The following CDH1 variants were observed in gnomAD, a reference collection of about 807,000 sequenced individuals.
CDH1 encodes cadherin 1, also known as cadherin-1.
A neutral mutation model predicts 84.5 loss-of-function variants in CDH1; 35 were observed. The ratio of observed to expected loss-of-function variants is 0.41; its 90% CI spans 0.32 to 0.55. The LOEUF is 0.55. Among genes scored for constraint, CDH1 ranks in the 20% least tolerant of loss-of-function variants. The pLI is 0.19. For missense variants in CDH1, 994 were observed against 1,126.6 expected, an observed-to-expected ratio of 0.88 and a Z score of 1.68; for synonymous variants, 417 against 439.0, an observed-to-expected ratio of 0.95 and a Z score of 0.63.
intron 2 of CDH1, among the ~76,000 whole-genome samples, chr16:68,794,195 G>GT (rs1960291951): frequency 1.3e-5 from 2 of 151,538 alleles, no homozygotes; most frequent in Non-Finnish European, 2.9e-5. Context: ...ACTGCTCCCA[G>GT]CTAATTTTTG....
intron 6 of CDH1, among the ~76,000 whole-genome samples, chr16:68,811,346 G>A (rs1159438709): frequency 7.5e-6 from 1 of 133,044 alleles, no homozygotes; most frequent in African/African-American, 2.9e-5. Flanking sequence ...GTGGTGAGCC[G>A]AATCACGCCA....
At chr16:68,828,833 C>T (rs1353308321) in intron 14 of CDH1, among the ~76,000 whole-genome samples, 1 of 152,112 alleles carries the variant, frequency 6.6e-6, no homozygotes, top group African/African-American at 2.4e-5. Context: ...GGAGAGCCTA[C>T]TTATTATAGA....
chr16:68,804,144 C>G (rs4783687), intron 3 of CDH1, among the ~76,000 whole-genome samples: 4 of 123,166 alleles, frequency 3.2e-5, no homozygotes, highest in Admixed American at 1.9e-4. Flanking sequence ...GATGGAGTCT[C>G]GCTCTGTCAC....
At chr16:68,791,186 C>A (rs1960199025) in intron 2 of CDH1, among the ~76,000 whole-genome samples, 1 of 152,126 alleles carries the variant, frequency 6.6e-6, no homozygotes, top group East Asian at 1.9e-4. Context: ...AGTAGGTGTG[C>A]AGGCTTTGAG....
intron 2 of CDH1, among the ~76,000 whole-genome samples, chr16:68,745,609 GTA>G (rs111616614): frequency 0.013 from 1,611 of 122,200 alleles, 49 homozygotes; most frequent in African/African-American, 0.048. Flanking sequence ...ATATGTATGT[GTA>G]TATATATATA....
Position 68,834,341 on chromosome 16 carries a change from T to C in CDH1, c.*842T>C. The C allele has an allele frequency of 2.0e-6, 1 of 491,940 alleles. No homozygotes were observed. The highest frequency in any genetic ancestry group is 4.0e-6 in the Non-Finnish European group (1 of 250,484). 30.5% of individuals were successfully genotyped at this position (491,940 alleles called of 1,614,324 possible). A position where few individuals can be genotyped will look rare whatever the true frequency, so the allele number is the denominator to read the frequency against. ...GCAGTGATGTGATCATAGCTCACTG[T>C]AACCTCAAACTCTGGGGCTCAAGCA... On this transcript the variant is annotated 3_prime_UTR_variant, in exon 16 of 16. Transcript: ENST00000261769.
chr16:68,826,726 A>G (rs190521095), intron 13 of CDH1, among the ~76,000 whole-genome samples: 1 of 152,292 alleles, frequency 6.6e-6, no homozygotes, highest in Non-Finnish European at 1.5e-5. Context: ...GGCACAGCTG[A>G]TAAGAGGGGT....
At chr16:68,814,150 G>A (rs113924758) in intron 9 of CDH1, among the ~76,000 whole-genome samples, 79 of 152,228 alleles carry the variant, frequency 5.2e-4, no homozygotes, top group African/African-American at 1.4e-3. Context: ...CAGGAGAATC[G>A]CTTGAACCTA....
intron 2 of CDH1, among the ~76,000 whole-genome samples, chr16:68,774,409 G>A (rs1187181786): frequency 6.6e-6 from 1 of 151,990 alleles, no homozygotes; most frequent in Non-Finnish European, 1.5e-5. Context: ...AATCCCAGCT[G>A]CTCAGGAGGC....
At chr16:68,813,548 T>C (rs2152133802) in intron 9 of CDH1, 53 bp downstream of exon 9, 1 of 1,535,486 alleles carries the variant, frequency 6.5e-7, no homozygotes, top group South Asian at 1.1e-5. Flanking sequence ...CAGCTGTTCA[T>C]ACCCTTGTCC....
chr16:68,821,956 A>G (rs1430663372), intron 11 of CDH1, 45 bp from the exon 12 acceptor site: 4 of 1,485,544 alleles, frequency 2.7e-6, no homozygotes, highest in Non-Finnish European at 3.8e-6. Context: ...ATGGGGATTC[A>G]TTACTGTTGC....
chr16:68,772,958 G>A (rs1959622551), intron 2 of CDH1, among the ~76,000 whole-genome samples: 1 of 152,104 alleles, frequency 6.6e-6, no homozygotes, highest in Admixed American at 6.6e-5. Flanking sequence ...AAACCACCAG[G>A]CTTATGGGAA....
Position 68,801,807 on chromosome 16 carries a change from T to C in CDH1, c.301T>C (p.Tyr101His), listed in dbSNP as rs774301557. 6.2e-7 allele frequency: 1 copy of C among 1,614,242 alleles called. No individual in the cohort carries two copies. The highest frequency in any genetic ancestry group is 1.1e-5 in the South Asian group (1 of 91,092). Residue 101 changes from tyrosine to histidine, a missense_variant, in exon 3 of 16, where the codon TAC (tyrosine) becomes CAC (histidine). By Grantham distance (83) the Tyr-to-His change is moderately conservative. Coordinates refer to ENST00000261769, the MANE Select transcript of CDH1 (RefSeq NM_004360.5). ...FHNPQIHFLV[Y>H]AWDSTYRKFS... ...TAACCCACAGATCCATTTCTTGGTC[T>C]ACGCCTGGGACTCCACCTACAGAAA...
chr16:68,759,262 C>G (rs1963096521), intron 2 of CDH1, among the ~76,000 whole-genome samples: 1 of 151,978 alleles, frequency 6.6e-6, no homozygotes, highest in Non-Finnish European at 1.5e-5. Flanking sequence ...CTTTGGGAGG[C>G]CAAGGCAGGA....
chr16:68,803,538 C>T (rs1158762780), intron 3 of CDH1, among the ~76,000 whole-genome samples: 3 of 152,132 alleles, frequency 2.0e-5, no homozygotes, highest in African/African-American at 7.2e-5. Flanking sequence ...GCTGGGAATA[C>T]AGGAGCCCAT....
intron 2 of CDH1, among the ~76,000 whole-genome samples, chr16:68,789,948 C>A (rs780829838): frequency 6.6e-6 from 1 of 152,150 alleles, no homozygotes; most frequent in Non-Finnish European, 1.5e-5. Flanking sequence ...CCCATCTACT[C>A]GGGAGGCTGA....
intron 1 of CDH1, 73 bp downstream of exon 1, chr16:68,737,536 C>A: frequency 7.6e-7 from 1 of 1,319,464 alleles, no homozygotes; most frequent in Non-Finnish European, 1.1e-6. Flanking sequence ...TGCGCCCCTT[C>A]CTCTCCCGTC....
intron 3 of CDH1, among the ~76,000 whole-genome samples, chr16:68,804,824 CTTTTTTTT>C (rs5817653): frequency 1.4e-5 from 1 of 69,668 alleles, no homozygotes; most frequent in Non-Finnish European, 2.5e-5. Flanking sequence ...GTAACAAAAT[CTTTTTTTT>C]TTTTTTTTTT....
Position 68,801,940 on chromosome 16 carries a change from G to C in CDH1, c.387+47G>C, listed in dbSNP as rs776308866. The C allele has an allele frequency of 3.4e-6, 5 of 1,466,442 alleles. No homozygotes were observed. In the East Asian group the frequency reaches 1.1e-4, roughly 33 times the overall value. The allele number at this position is 1,466,442 out of a possible 1,614,324, so 90.8% of individuals were successfully genotyped here. ...AAGTTCGCTGTTGTTTTAGTGCGCT[G>C]TCTAATCCAGGTTTCTCAGCCTTGG... On this transcript the variant is annotated intron_variant, in intron 3 of 15. Transcript: ENST00000261769.
Sources: allele counts gnomAD v4.1 joint callset (sites outside exome capture counted in the v4.1 genomes callset), GRCh38; gene constraint gnomAD v4.1.1; transcripts MANE v1.5; gene names NCBI Gene and HGNC (gene_info 2026-07-23, HGNC 2026-07-21).